The following AKT3 variants were observed in gnomAD, a reference collection of about 807,000 sequenced individuals.
AKT3 encodes the protein RAC-gamma serine/threonine-protein kinase.
A neutral mutation model predicts 65.3 loss-of-function variants in AKT3; 15 were observed. That is an observed-to-expected ratio of 0.23 (90% CI 0.15 to 0.35). AKT3 has a LOEUF of 0.35. AKT3 is among the 10% of genes least tolerant of loss of function. The pLI is 1.00. For synonymous variants in AKT3, 206 were observed against 183.8 expected (o/e 1.12, Z -0.98); for missense variants, 243 against 576.5 (o/e 0.42, Z 5.92).
At chr1:243,764,780 C>T (rs1689713467) in intron 2 of AKT3, among the ~76,000 whole-genome samples, 2 of 152,112 alleles carry the variant, frequency 1.3e-5, no homozygotes, top group South Asian at 2.1e-4. Flanking sequence ...CACCTACAAT[C>T]TCATCATATG....
At chr1:243,848,464 T>G (rs1272442221) in intron 1 of AKT3, among the ~76,000 whole-genome samples, 2 of 152,220 alleles carry the variant, frequency 1.3e-5, no homozygotes, top group Non-Finnish European at 2.9e-5. Flanking sequence ...ATTTTGCAAG[T>G]GATACTCAAG....
At chr1:243,655,383 C>T (rs983095255) in intron 4 of AKT3, among the ~76,000 whole-genome samples, 3 of 152,044 alleles carry the variant, frequency 2.0e-5, no homozygotes, top group East Asian at 1.9e-4. Flanking sequence ...TTTTAACATA[C>T]TTGAACATAC....
chr1:243,497,670 G>T (rs115046103), downstream of AKT3, among the ~76,000 whole-genome samples: 1 of 152,132 alleles, frequency 6.6e-6, no homozygotes, highest in Admixed American at 6.5e-5. Context: ...AAAAAATTCC[G>T]CAACACATTT....
At position 243,504,157 on chromosome 1, in the gene AKT3, G is replaced by A. The variant is rs1202897170; in HGVS notation, c.*1092C>T. 19 of 218,256 alleles carry A rather than the reference G, an allele frequency of 8.7e-5. No individual in the cohort carries two copies. The East Asian group carries it at 1.2e-3, about 14-fold the overall frequency. The allele number at this position is 218,256 out of a possible 1,614,324, so 13.5% of individuals were successfully genotyped here. A position where few individuals can be genotyped will look rare whatever the true frequency, so the allele number is the denominator to read the frequency against. ...CCTTGCACATGGGTCAAAAGTAACT[G>A]CAGTAAGTCTATTTTATATAAGTTG... On this transcript the variant is annotated 3_prime_UTR_variant, in exon 14 of 14. Transcript: ENST00000673466.
At chr1:243,680,532 C>A (rs2147972871) in intron 3 of AKT3, among the ~76,000 whole-genome samples, 1 of 152,160 alleles carries the variant, frequency 6.6e-6, no homozygotes, top group African/African-American at 2.4e-5. Flanking sequence ...CTTAAAGGTT[C>A]TTCCTCCCAA....
At chr1:243,577,157 G>A (rs1674999716) in intron 8 of AKT3, among the ~76,000 whole-genome samples, 1 of 152,068 alleles carries the variant, frequency 6.6e-6, no homozygotes, top group Admixed American at 6.5e-5. Flanking sequence ...TTGCTTGATT[G>A]AATGATTGAG....
chr1:243,718,124 T>C (rs1686627191), intron 2 of AKT3, among the ~76,000 whole-genome samples: 2 of 152,190 alleles, frequency 1.3e-5, no homozygotes, highest in African/African-American at 2.4e-5. Context: ...CAATTGCTCC[T>C]AAAACACCAC....
chr1:243,670,294 T>C (rs1208877473), intron 3 of AKT3, among the ~76,000 whole-genome samples: 4 of 152,224 alleles, frequency 2.6e-5, no homozygotes, highest in Non-Finnish European at 1.5e-5. Context: ...CAATGTCTTA[T>C]GGTTTGTTGC....
At chr1:243,659,062 T>C (rs536596008) in intron 4 of AKT3, among the ~76,000 whole-genome samples, 2 of 152,040 alleles carry the variant, frequency 1.3e-5, no homozygotes, top group South Asian at 2.1e-4. Flanking sequence ...TTGTGTTATA[T>C]ACATACAATG....
In AKT3 at chr1:243,813,515, T is replaced by TA. The variant is rs58482932; in HGVS notation, c.46+29609dup. ...AAAAAAAAAGAAAAAAAGTACATAA[T>TA]AAAAAAAAAATTAGAATCAGTGTCA... On this transcript the variant is annotated intron_variant, in intron 2 of 13. Coordinates refer to ENST00000673466, the MANE Select transcript of AKT3 (RefSeq NM_005465.7). Among the ~76,000 whole-genome samples, 19 of 149,288 alleles carry TA rather than the reference T, an allele frequency of 1.3e-4. No homozygotes were observed. In the East Asian group the frequency reaches 2.8e-3, roughly 22 times the overall value.
chr1:243,791,492 A>G (rs1463569370), intron 2 of AKT3, among the ~76,000 whole-genome samples: 1 of 152,198 alleles, frequency 6.6e-6, no homozygotes, highest in Non-Finnish European at 1.5e-5. Flanking sequence ...TATACCTTTA[A>G]ACAACAGATT....
intron 12 of AKT3, among the ~76,000 whole-genome samples, chr1:243,535,710 A>G (rs1324877781): frequency 2.0e-5 from 3 of 152,154 alleles, no homozygotes; most frequent in Non-Finnish European, 4.4e-5. Context: ...ATCCTTTTGT[A>G]TAGAATGACT....
At chr1:243,689,778 C>A (rs945457966) in intron 3 of AKT3, among the ~76,000 whole-genome samples, 11 of 151,970 alleles carry the variant, frequency 7.2e-5, no homozygotes, top group African/African-American at 2.2e-4. Context: ...AATGGTGAAA[C>A]CCTGTCTCTA....
intron 2 of AKT3, among the ~76,000 whole-genome samples, chr1:243,792,516 G>C (rs1266077269): frequency 1.3e-5 from 2 of 152,160 alleles, no homozygotes; most frequent in African/African-American, 4.8e-5. Flanking sequence ...CTGGGGGTCA[G>C]AGGATTCCTT....
intron 2 of AKT3, among the ~76,000 whole-genome samples, chr1:243,838,055 T>C (rs989217978): frequency 1.4e-5 from 2 of 138,222 alleles, no homozygotes; most frequent in Non-Finnish European, 2.9e-5. Context: ...TAAAACTTGA[T>C]TGTTGATTGA....
At chr1:243,796,636 C>T (rs1330860738) in intron 2 of AKT3, among the ~76,000 whole-genome samples, 1 of 152,152 alleles carries the variant, frequency 6.6e-6, no homozygotes, top group African/African-American at 2.4e-5. Context: ...GCCTAGACCA[C>T]CAACCAGTTT....
At chr1:243,629,479 G>A (rs12749316) in intron 6 of AKT3, among the ~76,000 whole-genome samples, 77,465 of 151,790 alleles carry the variant, frequency 0.51, 23,801 homozygotes, top group Non-Finnish European at 0.68. Flanking sequence ...TGGCTATCTG[G>A]GTCCCCAAAA....
chr1:243,663,702 T>C (rs1682558927), intron 4 of AKT3, among the ~76,000 whole-genome samples: 1 of 152,222 alleles, frequency 6.6e-6, no homozygotes, highest in Admixed American at 6.5e-5. Flanking sequence ...TATTAAAATT[T>C]TAGACAAGAC....
At chr1:243,792,157 T>TAA (rs141902482) in intron 2 of AKT3, among the ~76,000 whole-genome samples, 126,437 of 151,972 alleles carry the variant, frequency 0.83, 52,756 homozygotes, top group Non-Finnish European at 0.86. Flanking sequence ...CAAACAATAA[T>TAA]AAGTCATTTA....
Sources: gnomAD v4.1 joint callset for allele counts (sites outside exome capture counted in the v4.1 genomes callset) on GRCh38, gnomAD v4.1.1 for gene constraint, MANE v1.5 for transcripts, NCBI Gene and HGNC (gene_info 2026-07-23, HGNC 2026-07-21) for gene names.